NCOA6: variants seen among roughly 807,000 people sequenced by gnomAD.
NCOA6 encodes the protein NRC RAP250.
In NCOA6, 49 loss-of-function variants were observed where a neutral mutation model predicts 171.4. The observed-to-expected ratio is 0.29, with a 90% CI of 0.23 to 0.36. NCOA6 has a LOEUF of 0.36. NCOA6 is among the 10% of genes least tolerant of loss of function. The pLI is 1.00. For synonymous variants in NCOA6, 910 were observed against 927.5 expected, an observed-to-expected ratio of 0.98 and a Z score of 0.34; for missense variants, 2,248 against 2,554.5, an observed-to-expected ratio of 0.88 and a Z score of 2.59.
chr20:34,763,651 C>A (rs1172017083), intron 5 of NCOA6, among the ~76,000 whole-genome samples: 2 of 152,144 alleles, frequency 1.3e-5, no homozygotes, highest in Non-Finnish European at 2.9e-5. Context: ...CCAGTCTAGA[C>A]CTACCTAATG....
At chr20:34,762,249 A>G (rs2076841569) in intron 5 of NCOA6, among the ~76,000 whole-genome samples, 2 of 152,114 alleles carry the variant, frequency 1.3e-5, no homozygotes, top group Non-Finnish European at 2.9e-5. Flanking sequence ...TAAAAATATT[A>G]TTATGCTTTT....
At position 34,812,506 on chromosome 20, in the gene NCOA6, T is replaced by C. The variant is rs1188196868; in HGVS notation, c.-164+12966A>G. Among the ~76,000 whole-genome samples the C allele has an allele frequency of 2.6e-5, 4 of 152,182 alleles. No individual in the cohort carries two copies. The East Asian group carries it at 7.7e-4, about 29-fold the overall frequency. On this transcript the variant is annotated intron_variant, in intron 1 of 14. Transcript: ENST00000359003. ...TTAAACTTCAATCCTAACTTCTTAG[T>C]ATAAGAAACAAAAGATAAATTAGTA... is the stretch of plus-strand genomic sequence containing the variant.
chr20:34,804,572 A>C (rs1181267438), intron 1 of NCOA6, among the ~76,000 whole-genome samples: 1 of 152,024 alleles, frequency 6.6e-6, no homozygotes, highest in Non-Finnish European at 1.5e-5. Context: ...GTGGTTAAAC[A>C]ATTTAAATAT....
intron 14 of NCOA6, among the ~76,000 whole-genome samples, chr20:34,716,020 T>C (rs1177054100): frequency 1.3e-5 from 2 of 151,886 alleles, no homozygotes; most frequent in Non-Finnish European, 2.9e-5. Context: ...AGTTTGAGAC[T>C]AGTTTGGCCA....
At chr20:34,753,017 A>G (rs1283533099) in intron 8 of NCOA6, among the ~76,000 whole-genome samples, 1 of 151,752 alleles carries the variant, frequency 6.6e-6, no homozygotes, top group Admixed American at 6.6e-5. Flanking sequence ...TACAAGAATG[A>G]GAAATGACTT....
intron 12 of NCOA6, among the ~76,000 whole-genome samples, chr20:34,734,160 G>A (rs1222755491): frequency 6.6e-6 from 1 of 150,624 alleles, no homozygotes; most frequent in Non-Finnish European, 1.5e-5. Context: ...CACCTCCAGG[G>A]TTCAAGCGAT....
At chr20:34,816,481 AC>A (rs1199171098) in intron 1 of NCOA6, among the ~76,000 whole-genome samples, 1 of 152,142 alleles carries the variant, frequency 6.6e-6, no homozygotes, top group African/African-American at 2.4e-5. Context: ...TGATGCAGCT[AC>A]AAGCCAAGGA....
Position 34,750,253 on chromosome 20 carries a change from T to TAGGGTTCTG in NCOA6, c.1933_1941dup (p.Gln645_Pro647dup). On this transcript the variant is annotated inframe_insertion, in exon 9 of 15. Coordinates refer to ENST00000359003, the MANE Select transcript of NCOA6 (RefSeq NM_014071.5). ...ATAAGCTGGGCCCTTGAAAGGATCA[T>TAGGGTTCTG]AGGGTTCTGAGGGTTCAAGGTTCCT... is the stretch of plus-strand genomic sequence containing the variant. 6.2e-7 allele frequency: 1 copy of TAGGGTTCTG among 1,611,460 alleles called. No homozygotes were observed. The highest frequency in any genetic ancestry group is 8.5e-7 in the Non-Finnish European group (1 of 1,178,530).
At chr20:34,793,485 T>C (rs1222695085) in intron 1 of NCOA6, among the ~76,000 whole-genome samples, 2 of 152,230 alleles carry the variant, frequency 1.3e-5, no homozygotes, top group East Asian at 3.9e-4. Flanking sequence ...GGAACTTGCA[T>C]GGTGGTGCAT....
chr20:34,750,779 A>T (rs2145719979), intron 8 of NCOA6, among the ~76,000 whole-genome samples: 1 of 152,332 alleles, frequency 6.6e-6, no homozygotes, highest in South Asian at 2.1e-4. Context: ...TTAAAGATTT[A>T]ACGTTTCAAA....
rs759713850 is a variant in NCOA6 at position 34,750,329 on chromosome 20, C to T, written c.1866G>A (p.Met622Ile). Residue 622 changes from methionine to isoleucine, a missense_variant, in exon 9 of 15, where the codon ATG (methionine) becomes ATA (isoleucine). Coordinates refer to ENST00000359003, the MANE Select transcript of NCOA6 (RefSeq NM_014071.5). ...AGGGCACGATTTGCTGGTGCATGCCCATCAGCTGAGATGGTGGGCCCTGCT... is the reference window on the plus strand; with the variant it reads ...AGGGCACGATTTGCTGGTGCATGCCTATCAGCTGAGATGGTGGGCCCTGCT... ...QPQQGPPSQLMGMHQQIVPSQ... is the reference protein window; with the variant it reads ...QPQQGPPSQLIGMHQQIVPSQ... 4 of 1,613,374 alleles carry T rather than the reference C, an allele frequency of 2.5e-6. No individual in the cohort carries two copies. In the East Asian group the frequency reaches 8.9e-5, roughly 36 times the overall value.
intron 1 of NCOA6, among the ~76,000 whole-genome samples, chr20:34,810,594 C>T (rs965976394): frequency 1.3e-5 from 2 of 150,276 alleles, no homozygotes; most frequent in East Asian, 3.9e-4. Context: ...CTCGCTCTGT[C>T]ACCCAGGCTG....
intron 14 of NCOA6, among the ~76,000 whole-genome samples, chr20:34,716,234 A>T (rs901352737): frequency 6.6e-6 from 1 of 151,396 alleles, no homozygotes; most frequent in South Asian, 2.1e-4. Flanking sequence ...AAAAAAAAAA[A>T]AAGACTGTGG....
In NCOA6 at chr20:34,749,567, G is replaced by A; in HGVS notation, c.2628C>T (p.Val876=). The A allele has an allele frequency of 1.2e-6, 2 of 1,614,100 alleles. No individual in the cohort carries two copies. Among genetic ancestry groups the A allele is most frequent in the African/African-American group, 1.3e-5 (1 of 75,024 alleles). The change falls in exon 9 of 15, where the codon GTC becomes GTT. Residue 876 remains valine (V), a synonymous_variant. Coordinates refer to ENST00000359003, the MANE Select transcript of NCOA6 (RefSeq NM_014071.5). ...MSCGQNPGFP[V]NKDVTLTSPL... The stretch of plus-strand genomic sequence containing the variant: ...GGCTCGTTAGCGTGACATCCTTATT[G>A]ACTGGGAAGCCTGGATTTTGACCAC...
At chr20:34,730,995 C>T (rs1990544143) in intron 13 of NCOA6, among the ~76,000 whole-genome samples, 1 of 152,032 alleles carries the variant, frequency 6.6e-6, no homozygotes. Context: ...GTGTGAGCCA[C>T]TGAGCCCGGC....
intron 14 of NCOA6, among the ~76,000 whole-genome samples, chr20:34,721,254 A>AC (rs1370645277): frequency 3.3e-5 from 5 of 150,256 alleles, no homozygotes; most frequent in Non-Finnish European, 5.9e-5. Flanking sequence ...AAAAAAAAAA[A>AC]AAAAAAAAAA....
intron 4 of NCOA6, among the ~76,000 whole-genome samples, chr20:34,775,584 C>A (rs1316683267): frequency 6.8e-6 from 1 of 146,506 alleles, no homozygotes; most frequent in African/African-American, 2.5e-5. Context: ...ACTCAGGAGG[C>A]TGAGGCAGGA....
At chr20:34,824,219 A>G (rs6088620) in intron 1 of NCOA6, among the ~76,000 whole-genome samples, 52,356 of 152,096 alleles carry the variant, frequency 0.34, 9,368 homozygotes, top group Middle Eastern at 0.42. Context: ...TTTCATCACA[A>G]GAATGTTATG....
intron 1 of NCOA6, chr20:34,821,119 T>A (rs374961482): frequency 3.2e-5 from 1 of 31,182 alleles, no homozygotes; most frequent in African/African-American, 9.1e-5. Flanking sequence ...AGACATTGGA[T>A]GGCAAATTAG....
Sources: gnomAD v4.1 joint callset for allele counts (sites outside exome capture counted in the v4.1 genomes callset) on GRCh38, gnomAD v4.1.1 for gene constraint, MANE v1.5 for transcripts, NCBI Gene and HGNC (gene_info 2026-07-23, HGNC 2026-07-21) for gene names.